Variants in BCAS2 observed in about 807,000 individuals in gnomAD.
The protein encoded by BCAS2 is BCAS2 pre-mRNA processing factor.
Under a neutral mutation model 35.3 loss-of-function variants are expected in BCAS2, and 34 were observed. The ratio of observed to expected loss-of-function variants is 0.96; its 90% CI spans 0.73 to 1.28. The LOEUF is 1.28. Ranked by LOEUF, BCAS2 falls within the 50% of genes most tolerant of loss-of-function variation. BCAS2 has a pLI of 0.00. For missense variants in BCAS2, 221 were observed against 268.1 expected, an observed-to-expected ratio of 0.82 and a Z score of 1.23; for synonymous variants, 75 against 91.6, an observed-to-expected ratio of 0.82 and a Z score of 1.03.
At chr1:114,570,182 T>C (rs1654610502) in intron 5 of BCAS2, 110 bp from the exon 6 acceptor site, 1 of 754,958 alleles carries the variant, frequency 1.3e-6, no homozygotes, top group Non-Finnish European at 2.2e-6. Context: ...CAATATTATG[T>C]ACAGTTATAG....
At position 114,567,936 on chromosome 1, in the gene BCAS2, TACC is replaced by T. The variant is rs1654559357; in HGVS notation, c.*191_*193del. ...AGATTTTCTTTTATGGCTATAAAAA[TACC>T]ACCAAGCTAGACATTTTAATTCTGT... On this transcript the variant is annotated 3_prime_UTR_variant, in exon 7 of 7. Transcript: ENST00000369541. 3.1e-6 allele frequency: 2 copies of T among 647,280 alleles called. No homozygotes were observed. Among genetic ancestry groups the T allele is most frequent in the South Asian group, 3.3e-5 (1 of 30,334 alleles). The allele number at this position is 647,280 out of a possible 1,614,324, so 40.1% of individuals were successfully genotyped here.
intron 6 of BCAS2, 34 bp downstream of exon 6, chr1:114,569,958 C>T: frequency 1.3e-6 from 2 of 1,522,878 alleles, no homozygotes; most frequent in Non-Finnish European, 1.8e-6. Flanking sequence ...AAGGGCTAAA[C>T]AATTTAAAAG....
At chr1:114,569,152 G>A (rs1351090380) in intron 6 of BCAS2, among the ~76,000 whole-genome samples, 5 of 152,092 alleles carry the variant, frequency 3.3e-5, no homozygotes. Context: ...ACAGATGAGA[G>A]AACTTGCAAA....
At position 114,575,856 on chromosome 1, in the gene BCAS2, AG is replaced by A. The variant is rs1364490735; in HGVS notation, c.258-106del. 3.2e-6 allele frequency: 4 copies of A among 1,248,122 alleles called. No homozygotes were observed. In the African/African-American group the frequency reaches 4.7e-5, roughly 15 times the overall value. The allele number at this position is 1,248,122 out of a possible 1,614,324, so 77.3% of individuals were successfully genotyped here. The stretch of plus-strand genomic sequence containing the variant: ...AGTCTCCATATAGTATAAAAACTAC[AG>A]AAGACTAAGGATGTAAACCTTGCAA... On this transcript the variant is annotated intron_variant, in intron 3 of 6. Transcript: ENST00000369541.
At chr1:114,570,148 G>A in intron 5 of BCAS2, 76 bp from the exon 6 acceptor site, 1 of 990,336 alleles carries the variant, frequency 1.0e-6, no homozygotes, top group East Asian at 2.6e-5. Flanking sequence ...TATAACACAA[G>A]AGAATATCTT....
At chr1:114,574,952 C>T (rs1654724302) in intron 4 of BCAS2, among the ~76,000 whole-genome samples, 1 of 152,006 alleles carries the variant, frequency 6.6e-6, no homozygotes, top group Non-Finnish European at 1.5e-5. Flanking sequence ...TCATTGCAAC[C>T]TCTGCCTCCC....
chr1:114,577,359 T>G (rs759927191), intron 2 of BCAS2, among the ~76,000 whole-genome samples: 70 of 149,182 alleles, frequency 4.7e-4, no homozygotes, highest in Non-Finnish European at 7.3e-4. Context: ...ATCCAAGAAA[T>G]AATTTATTTA....
chr1:114,568,047 T>C lies in BCAS2; in HGVS notation c.*83A>G. 4 of 1,548,490 alleles carry C rather than the reference T, an allele frequency of 2.6e-6. No individual in the cohort carries two copies. The highest frequency in any genetic ancestry group is 1.1e-5 in the South Asian group (1 of 87,254). ...TTAAACATCAATGGTTTTGGGAAGA[T>C]GCTGTTGTCCTTCAAAGTTCATTAA... On this transcript the variant is annotated 3_prime_UTR_variant, in exon 7 of 7. Transcript: ENST00000369541.
At chr1:114,573,895 T>C (rs1654702014) in intron 4 of BCAS2, among the ~76,000 whole-genome samples, 1 of 152,342 alleles carries the variant, frequency 6.6e-6, no homozygotes, top group East Asian at 1.9e-4. Context: ...AGAAACAGTA[T>C]TATCATTTCA....
At chr1:114,573,394 A>T (rs749350468) in intron 4 of BCAS2, among the ~76,000 whole-genome samples, 1 of 150,484 alleles carries the variant, frequency 6.6e-6, no homozygotes, top group Admixed American at 6.6e-5. Flanking sequence ...ATACCTGGCT[A>T]TTTTTTTTAT....
At position 114,576,598 on chromosome 1, in the gene BCAS2, A is replaced by T. The variant is rs1654773901; in HGVS notation, c.257+90T>A. On this transcript the variant is annotated intron_variant, in intron 3 of 6. Coordinates refer to ENST00000369541, the MANE Select transcript of BCAS2 (RefSeq NM_005872.3). ...CCACCACACCCGGCCAACACTGCCA[A>T]TATTAGCCAGCAAATACATTCTTCA... The T allele has an allele frequency of 2.7e-6, 3 of 1,120,362 alleles. No homozygotes were observed. The South Asian group carries it at 4.1e-5, about 15-fold the overall frequency. 69.4% of individuals were successfully genotyped at this position (1,120,362 alleles called of 1,614,324 possible).
chr1:114,568,956 G>A (rs545791880), intron 6 of BCAS2, among the ~76,000 whole-genome samples: 1 of 151,474 alleles, frequency 6.6e-6, no homozygotes, highest in East Asian at 2.0e-4. Flanking sequence ...TGTAGAGACA[G>A]GGTCTCGTTA....
rs1426596089 is a variant in BCAS2 at position 114,581,209 on chromosome 1, G to A, written c.186+90C>T. 71 of 1,303,228 alleles carry A rather than the reference G, an allele frequency of 5.4e-5. No individual in the cohort carries two copies. In the East Asian group the frequency reaches 1.5e-3, roughly 27 times the overall value. The allele number at this position is 1,303,228 out of a possible 1,614,324, so 80.7% of individuals were successfully genotyped here. A position where few individuals can be genotyped will look rare whatever the true frequency, so the allele number is the denominator to read the frequency against. On this transcript the variant is annotated intron_variant, in intron 2 of 6. Transcript: ENST00000369541. ...CAGTAGGTAAGTAGTAGCTATGCAG[G>A]CAATGGTTAAAACTGGAATTTAAAG...
intron 3 of BCAS2, among the ~76,000 whole-genome samples, chr1:114,576,357 G>C (rs994656291): frequency 6.6e-6 from 1 of 151,172 alleles, no homozygotes; most frequent in Non-Finnish European, 1.5e-5. Flanking sequence ...CTCCTGGGGG[G>C]TGTCAAGCGA....
At chr1:114,571,029 C>T (rs1210841774) in intron 4 of BCAS2, among the ~76,000 whole-genome samples, 4 of 151,900 alleles carry the variant, frequency 2.6e-5, no homozygotes, top group Admixed American at 1.3e-4. Context: ...GCTGGGATTA[C>T]CATGCCCTGC....
chr1:114,579,248 C>A (rs1254195779), intron 2 of BCAS2, among the ~76,000 whole-genome samples: 2 of 151,930 alleles, frequency 1.3e-5, no homozygotes, highest in African/African-American at 4.8e-5. Context: ...CCAGCCTGGG[C>A]ACCAGAGCAA....
At chr1:114,573,113 C>T (rs1654680056) in intron 4 of BCAS2, among the ~76,000 whole-genome samples, 1 of 32,700 alleles carries the variant, frequency 3.1e-5, no homozygotes, top group African/African-American at 1.4e-4. Context: ...CGCCCCCCGC[C>T]CCCACCTCCA....
intron 6 of BCAS2, 136 bp downstream of exon 6, chr1:114,569,856 G>A (rs1654603737): frequency 1.6e-5 from 11 of 677,356 alleles, no homozygotes; most frequent in Non-Finnish European, 2.6e-5. Flanking sequence ...GGCAGAGACG[G>A]GGAAGGGTGA....
intron 4 of BCAS2, among the ~76,000 whole-genome samples, chr1:114,573,716 T>G (rs547893858): frequency 6.6e-6 from 1 of 152,340 alleles, no homozygotes; most frequent in South Asian, 2.1e-4. Flanking sequence ...TCGCTTACAT[T>G]TCTTAATCAC....
Sources: gnomAD v4.1 joint callset for allele counts (sites outside exome capture counted in the v4.1 genomes callset) on GRCh38, gnomAD v4.1.1 for gene constraint, MANE v1.5 for transcripts, NCBI Gene and HGNC (gene_info 2026-07-23, HGNC 2026-07-21) for gene names.